The following NPAS3 variants were observed in gnomAD, a reference collection of about 807,000 sequenced individuals.
NPAS3 encodes the protein neuronal PAS domain-containing protein 3.
NPAS3 carries 14 observed loss-of-function variants against 73.1 expected under a neutral mutation model. The ratio of observed to expected loss-of-function variants is 0.19; its 90% CI spans 0.13 to 0.30. The LOEUF (loss-of-function observed/expected upper bound fraction) is 0.30, where lower values mean the gene tolerates loss of function less well. Among genes scored for constraint, NPAS3 ranks in the 10% least tolerant of loss-of-function variants. The pLI is 1.00. For synonymous variants in NPAS3, 620 were observed against 541.5 expected (o/e 1.14, Z -2.01); for missense variants, 1,096 against 1,250.0 (o/e 0.88, Z 1.86).
At chr14:33,159,868 C>G (rs1446578434) in intron 2 of NPAS3, among the ~76,000 whole-genome samples, 1 of 152,122 alleles carries the variant, frequency 6.6e-6, no homozygotes, top group Non-Finnish European at 1.5e-5. Context: ...CAAGCTTTTA[C>G]TAGTTTACTA....
At chr14:33,676,454 C>T (rs1417023993) in intron 6 of NPAS3, 69 bp downstream of exon 6, 1 of 1,364,910 alleles carries the variant, frequency 7.3e-7, no homozygotes, top group African/African-American at 1.5e-5. Context: ...GCTCAAGTTA[C>T]CCATGTGAAG....
Position 33,584,401 on chromosome 14 carries a change from T to TAAA in NPAS3, c.558+24200_558+24202dup, listed in dbSNP as rs5807734. On this transcript the variant is annotated intron_variant, in intron 5 of 11. Transcript: ENST00000356141. ...TGCTATTCATAGATGGATGTTTATT[T>TAAA]AAAAAAAAAAAGGGGGATCAATAGA... 5.1e-3 allele frequency among the ~76,000 whole-genome samples: 430 copies of TAAA among 84,394 alleles called. 11 individuals are homozygous for TAAA. The highest frequency in any genetic ancestry group is 0.011 in the Admixed American group (108 of 9,578). 55.4% of individuals were successfully genotyped at this position (84,394 alleles called of 152,430 possible).
intron 5 of NPAS3, among the ~76,000 whole-genome samples, chr14:33,600,143 G>C (rs2057356883): frequency 6.6e-6 from 1 of 152,102 alleles, no homozygotes; most frequent in Non-Finnish European, 1.5e-5. Context: ...GCTCGATTCT[G>C]AATATTTCCA....
At chr14:33,016,931 C>A (rs57607571) in intron 1 of NPAS3, among the ~76,000 whole-genome samples, 6,385 of 152,200 alleles carry the variant, frequency 0.042, 260 homozygotes, top group East Asian at 0.22. Context: ...GAAAGAAACA[C>A]TACTAAATTC....
intron 5 of NPAS3, among the ~76,000 whole-genome samples, chr14:33,636,903 GCACACACACA>G (rs34527893): frequency 6.7e-6 from 1 of 149,278 alleles, no homozygotes; most frequent in Admixed American, 6.7e-5. Context: ...CTCGGAGTGT[GCACACACACA>G]CACACACACA....
chr14:33,224,411 C>T (rs2047546112), intron 3 of NPAS3, among the ~76,000 whole-genome samples: 1 of 152,104 alleles, frequency 6.6e-6, no homozygotes, highest in African/African-American at 2.4e-5. Flanking sequence ...AACAGGTGAC[C>T]TCCACCTGTG....
chr14:33,690,179 C>T (rs1434204064), intron 6 of NPAS3, among the ~76,000 whole-genome samples: 2 of 152,118 alleles, frequency 1.3e-5, no homozygotes, highest in East Asian at 1.9e-4. Flanking sequence ...TGCGGCGTTC[C>T]GGTCTGTGCT....
chr14:33,391,156 TAAAC>T (rs1555386356), intron 4 of NPAS3, among the ~76,000 whole-genome samples: 4 of 150,500 alleles, frequency 2.7e-5, no homozygotes, highest in Non-Finnish European at 5.9e-5. Flanking sequence ...AATAGACATT[TAAAC>T]AAAAATCCTC....
intron 3 of NPAS3, among the ~76,000 whole-genome samples, chr14:33,323,120 AT>A (rs148130362): frequency 0.025 from 3,860 of 152,234 alleles, 150 homozygotes; most frequent in African/African-American, 0.087. Flanking sequence ...GTACTCAATA[AT>A]TATTTGTTGA....
intron 1 of NPAS3, among the ~76,000 whole-genome samples, chr14:32,975,335 T>G (rs2037620417): frequency 7.0e-6 from 1 of 142,194 alleles, no homozygotes; most frequent in African/African-American, 2.5e-5. Context: ...CCTCCTTCCC[T>G]TTTTAGACTG....
rs142950801 is a variant in NPAS3 at position 32,956,882 on chromosome 14, G to A, written c.50+17516G>A. Among the ~76,000 whole-genome samples the A allele has an allele frequency of 3.7e-4, 57 of 152,278 alleles. 1 individual carries two copies. Among genetic ancestry groups the A allele is most frequent in the African/African-American group, 1.3e-3 (54 of 41,554 alleles). ...TACACACTGTGAAACTTTGGACAGA[G>A]ATCTGCTCTATAACACAGTTAGAAA... is the stretch of plus-strand genomic sequence containing the variant. On this transcript the variant is annotated intron_variant, in intron 1 of 11. Coordinates refer to ENST00000356141, the Ensembl canonical transcript of NPAS3.
chr14:33,181,162 A>AATCT (rs1167296072), intron 2 of NPAS3, among the ~76,000 whole-genome samples: 3 of 152,216 alleles, frequency 2.0e-5, no homozygotes, highest in Non-Finnish European at 4.4e-5. Context: ...AAATTAGATA[A>AATCT]ATCTGAAACT....
chr14:33,052,280 A>G (rs2040737590), intron 1 of NPAS3, among the ~76,000 whole-genome samples: 1 of 152,188 alleles, frequency 6.6e-6, no homozygotes, highest in African/African-American at 2.4e-5. Context: ...ACAGCAGTGC[A>G]ATCCTTAGGC....
Position 32,960,033 on chromosome 14 carries a change from A to T in NPAS3, c.50+20667A>T, listed in dbSNP as rs919226355. ...AGTACTTAATTGTTGAATTAGGCAGATCTGTAGTTCTTCCTGTCCTTCCCA... is the reference window on the plus strand; with the variant it reads ...AGTACTTAATTGTTGAATTAGGCAGTTCTGTAGTTCTTCCTGTCCTTCCCA... On this transcript the variant is annotated intron_variant, in intron 1 of 11. Coordinates refer to ENST00000356141, the Ensembl canonical transcript of NPAS3. 2.1e-5 allele frequency among the ~76,000 whole-genome samples: 3 copies of T among 143,702 alleles called. No homozygotes were observed. The Admixed American group carries it at 2.1e-4, about 10-fold the overall frequency. The allele number at this position is 143,702 out of a possible 152,430, so 94.3% of individuals were successfully genotyped here. A position where few individuals can be genotyped will look rare whatever the true frequency, so the allele number is the denominator to read the frequency against.
chr14:32,939,976 T>C (rs1315157262), intron 1 of NPAS3, among the ~76,000 whole-genome samples: 1 of 152,192 alleles, frequency 6.6e-6, no homozygotes, highest in Non-Finnish European at 1.5e-5. Flanking sequence ...CCTCCCTGCC[T>C]CCCGGGCTGC....
chr14:33,620,245 C>G (rs1478238723), intron 5 of NPAS3, among the ~76,000 whole-genome samples: 6 of 152,192 alleles, frequency 3.9e-5, no homozygotes, highest in African/African-American at 1.4e-4. Context: ...TCATAAATCT[C>G]ATCCATCACA....
intron 4 of NPAS3, among the ~76,000 whole-genome samples, chr14:33,399,042 C>T (rs1373981817): frequency 6.6e-6 from 1 of 152,062 alleles, no homozygotes; most frequent in Non-Finnish European, 1.5e-5. Context: ...GCCGTCTTGA[C>T]ATGTAACTGA....
intron 2 of NPAS3, among the ~76,000 whole-genome samples, chr14:33,149,443 A>T (rs2044366720): frequency 6.6e-6 from 1 of 152,220 alleles, no homozygotes; most frequent in Non-Finnish European, 1.5e-5. Context: ...TTAAATGCCT[A>T]CAGCCATAAA....
At chr14:33,160,857 C>T (rs1282966059) in intron 2 of NPAS3, among the ~76,000 whole-genome samples, 1 of 152,154 alleles carries the variant, frequency 6.6e-6, no homozygotes, top group Non-Finnish European at 1.5e-5. Flanking sequence ...CCCTTTGGGG[C>T]ATTTCATTTC....
Sources: allele counts gnomAD v4.1 joint callset (sites outside exome capture counted in the v4.1 genomes callset), GRCh38; gene constraint gnomAD v4.1.1; transcripts MANE v1.5; gene names NCBI Gene and HGNC (gene_info 2026-07-23, HGNC 2026-07-21).